The following TPRG1 variants were observed in gnomAD, a reference collection of about 807,000 sequenced individuals.
TPRG1 encodes tumor protein p63-regulated gene 1 protein.
TPRG1 carries 29 observed loss-of-function variants against 29.3 expected under a neutral mutation model. The ratio of observed to expected loss-of-function variants is 0.99; its 90% confidence interval spans 0.74 to 1.35. TPRG1 has a LOEUF of 1.35. Among genes scored for constraint, TPRG1 ranks in the 40% most tolerant of loss-of-function variants. The pLI is 0.00. For missense variants in TPRG1, 327 were observed against 335.0 expected (o/e 0.98, Z 0.19); for synonymous variants, 130 against 116.8 (o/e 1.11, Z -0.73).
intron 4 of TPRG1, among the ~76,000 whole-genome samples, chr3:189,276,456 A>G (rs1339817905): frequency 1.3e-5 from 2 of 152,316 alleles, no homozygotes; most frequent in African/African-American, 2.4e-5. Flanking sequence ...TTGAGTGACT[A>G]CTAGAAAGCA....
chr3:189,283,735 T>G (rs1402573164), intron 4 of TPRG1, among the ~76,000 whole-genome samples: 1 of 152,180 alleles, frequency 6.6e-6, no homozygotes. Flanking sequence ...TTTTATTTAA[T>G]CTTTACGATA....
intron 5 of TPRG1, among the ~76,000 whole-genome samples, chr3:189,314,244 G>A (rs1242402050): frequency 6.6e-6 from 1 of 152,118 alleles, no homozygotes; most frequent in African/African-American, 2.4e-5. Context: ...TGGTTGTCAG[G>A]CAGTTAGAAA....
chr3:189,122,482 A>G (rs1721942352), intron 1 of TPRG1, among the ~76,000 whole-genome samples: 1 of 152,242 alleles, frequency 6.6e-6, no homozygotes, highest in Non-Finnish European at 1.5e-5. Context: ...TTTATCTTTG[A>G]AATCTCTTGG....
At chr3:189,283,409 C>T (rs749294131) in intron 4 of TPRG1, among the ~76,000 whole-genome samples, 2 of 152,088 alleles carry the variant, frequency 1.3e-5, no homozygotes, top group Non-Finnish European at 2.9e-5. Context: ...TGTGTCATCT[C>T]TTTTATATCA....
intron 3 of TPRG1, among the ~76,000 whole-genome samples, chr3:189,020,136 G>A (rs1301998583): frequency 1.3e-5 from 2 of 151,196 alleles, no homozygotes; most frequent in African/African-American, 4.9e-5. Flanking sequence ...TTCTTTATTA[G>A]TCTTGCTAGC....
intron 3 of TPRG1, among the ~76,000 whole-genome samples, chr3:189,237,279 A>G (rs1288626846): frequency 6.6e-6 from 1 of 151,972 alleles, no homozygotes; most frequent in East Asian, 1.9e-4. Flanking sequence ...ACACACATAC[A>G]CACACATGCA....
rs776631743 is a variant in TPRG1 at position 189,238,752 on chromosome 3, GAGA to G, written c.325_327del (p.Lys109del). ...CTATAGGATAGACCACTGGAACAAT[GAGA>G]AGGAGAGAATTCTACTGGTCACAGA... On this transcript the variant is annotated inframe_deletion, in exon 4 of 6. Transcript: ENST00000345063. The G allele has an allele frequency of 1.9e-6, 3 of 1,612,376 alleles. No individual in the cohort carries two copies. The highest frequency in any genetic ancestry group is 4.5e-5 in the East Asian group (2 of 44,862).
At chr3:189,057,765 C>T (rs1007058627) in intron 4 of TPRG1, among the ~76,000 whole-genome samples, 2 of 143,228 alleles carry the variant, frequency 1.4e-5, no homozygotes, top group Non-Finnish European at 1.5e-5. Flanking sequence ...TATATATATA[C>T]ACACACATAT....
chr3:189,225,173 C>T (rs1001021738), intron 3 of TPRG1, among the ~76,000 whole-genome samples: 3 of 152,096 alleles, frequency 2.0e-5, no homozygotes, highest in East Asian at 1.9e-4. Context: ...CCTCATGATC[C>T]GCCCACCTCG....
intron 4 of TPRG1, among the ~76,000 whole-genome samples, chr3:189,075,908 C>G (rs568440245): frequency 1.3e-5 from 2 of 152,322 alleles, no homozygotes; most frequent in African/African-American, 4.8e-5. Context: ...TATTCTATAC[C>G]TGCCACTTCT....
chr3:189,210,093 T>A (rs1405016118), intron 2 of TPRG1, among the ~76,000 whole-genome samples: 3 of 152,142 alleles, frequency 2.0e-5, no homozygotes, highest in African/African-American at 7.2e-5. Context: ...TGGGTGGTAG[T>A]TGAAAAAAAC....
intron 1 of TPRG1, among the ~76,000 whole-genome samples, chr3:189,110,969 A>G (rs1010779967): frequency 1.3e-5 from 2 of 151,792 alleles, no homozygotes; most frequent in Non-Finnish European, 2.9e-5. Flanking sequence ...TGGTTTGACT[A>G]TTACAGCTTT....
chr3:189,187,135 C>T (rs1731042984), intron 1 of TPRG1, among the ~76,000 whole-genome samples: 2 of 151,746 alleles, frequency 1.3e-5, no homozygotes, highest in South Asian at 2.1e-4. Flanking sequence ...CACAGATTCG[C>T]ACCACCACAC....
chr3:189,019,256 T>C (rs2152124176), intron 3 of TPRG1, among the ~76,000 whole-genome samples: 1 of 152,178 alleles, frequency 6.6e-6, no homozygotes, highest in Non-Finnish European at 1.5e-5. Context: ...TGGCCAGAAC[T>C]TCCAACACTA....
At chr3:189,095,166 G>A (rs1718592494), upstream of TPRG1, among the ~76,000 whole-genome samples, 2 of 152,136 alleles carry the variant, frequency 1.3e-5, no homozygotes, top group African/African-American at 4.8e-5. Flanking sequence ...TTTGTTCTGA[G>A]TACCTGCAAG....
At chr3:189,227,168 A>G (rs1560577792) in intron 3 of TPRG1, among the ~76,000 whole-genome samples, 1 of 152,002 alleles carries the variant, frequency 6.6e-6, no homozygotes, top group Non-Finnish European at 1.5e-5. Context: ...AAGAAAAAAA[A>G]GAAAAAAATT....
chr3:189,213,896 T>A (rs918161258), intron 2 of TPRG1, among the ~76,000 whole-genome samples: 1 of 152,196 alleles, frequency 6.6e-6, no homozygotes, highest in Non-Finnish European at 1.5e-5. Context: ...ATTGTATGAA[T>A]GTATCCTATA....
intron 1 of TPRG1, among the ~76,000 whole-genome samples, chr3:189,197,560 C>T (rs1169973564): frequency 6.6e-6 from 1 of 152,180 alleles, no homozygotes; most frequent in Non-Finnish European, 1.5e-5. Context: ...ATAAGTCACT[C>T]AATTCAATAT....
At chr3:189,088,953 T>C (rs1718148275) in intron 4 of TPRG1, among the ~76,000 whole-genome samples, 1 of 150,694 alleles carries the variant, frequency 6.6e-6, no homozygotes, top group Admixed American at 6.7e-5. Context: ...CTGTCAGATA[T>C]ATGTGTATCT....
Sources: allele counts gnomAD v4.1 joint callset (sites outside exome capture counted in the v4.1 genomes callset), GRCh38; gene constraint gnomAD v4.1.1; transcripts MANE v1.5; gene names NCBI Gene and HGNC (gene_info 2026-07-23, HGNC 2026-07-21).